MSGN1: variants seen among roughly 807,000 people sequenced by gnomAD.
MSGN1 encodes the protein mesogenin-1.
A neutral mutation model predicts 10.1 loss-of-function variants in MSGN1; 3 were observed. The observed-to-expected ratio is 0.30, with a 90% CI of 0.13 to 0.76. The LOEUF (loss-of-function observed/expected upper bound fraction) is 0.76. Ranked by LOEUF, MSGN1 falls within the 30% of genes least tolerant of loss-of-function variation. MSGN1 has a pLI of 0.67. For missense variants in MSGN1, 244 were observed against 244.5 expected (o/e 1.00, Z 0.01); for synonymous variants, 110 against 103.8 (o/e 1.06, Z -0.37).
At position 17,816,547 on chromosome 2, in the gene MSGN1, G is replaced by C; in HGVS notation, c.29G>C (p.Ser10Thr). Residue 10 changes from serine (S) to threonine (T), a missense_variant, in exon 1 of 1, where the codon AGC becomes ACC. Transcript: ENST00000281047. Reference sequence around the variant, plus strand: ...GACAACCTGCGCGAGACTTTCCTCAGCCTCGAGGATGGCTTGGGCTCCTCT... The same window carrying C: ...GACAACCTGCGCGAGACTTTCCTCACCCTCGAGGATGGCTTGGGCTCCTCT... MDNLRETFL[S>T]LEDGLGSSDS... The C allele has an allele frequency of 1.2e-6, 2 of 1,600,388 alleles. No individual in the cohort carries two copies. The highest frequency in any genetic ancestry group is 1.7e-6 in the Non-Finnish European group (2 of 1,169,928).
chr2:17,816,776 G>A lies in MSGN1; in HGVS notation c.258G>A (p.Gly86=), dbSNP rs149704294. 47 of 1,614,130 alleles carry A rather than the reference G, an allele frequency of 2.9e-5. 1 individual carries two copies. Among genetic ancestry groups the A allele is most frequent in the Admixed American group, 2.2e-4 (13 of 60,026 alleles). The change falls in exon 1 of 1, where the codon GGG becomes GGA. Residue 86 remains glycine (G), a synonymous_variant. Transcript: ENST00000281047. ...SGGSEGCSVG[G]ASGLVEVDYN... ...GCAGCGAAGGCTGCAGTGTCGGTGG[G>A]GCCAGTGGCCTGGTAGAGGTGGACT...
chr2:17,817,145 G>A lies in MSGN1; in HGVS notation c.*45G>A. Reference sequence around the variant, plus strand: ...ACCGGTTCCAGCCTCCTGAGCAGGAGTAGAGGAGTTTTGAAGACCTGGATA... The same window carrying A: ...ACCGGTTCCAGCCTCCTGAGCAGGAATAGAGGAGTTTTGAAGACCTGGATA... On this transcript the variant is annotated 3_prime_UTR_variant, in exon 1 of 1. Coordinates refer to ENST00000281047, the MANE Select transcript of MSGN1 (RefSeq NM_001105569.3). 1 of 1,527,750 alleles carries A rather than the reference G, an allele frequency of 6.5e-7. No homozygotes were observed. The highest frequency in any genetic ancestry group is 8.9e-7 in the Non-Finnish European group (1 of 1,119,730). 94.6% of individuals were successfully genotyped at this position (1,527,750 alleles called of 1,614,324 possible). A position where few individuals can be genotyped will look rare whatever the true frequency, so the allele number is the denominator to read the frequency against.
chr2:17,816,939 G>A lies in MSGN1; in HGVS notation c.421G>A (p.Ala141Thr), dbSNP rs781318940. Reference sequence around the variant, plus strand: ...GGAGAAGCTCAGGATGAGGACCTTGGCAGATGCCCTGCACACCCTCCGGAA... The same window carrying A: ...GGAGAAGCTCAGGATGAGGACCTTGACAGATGCCCTGCACACCCTCCGGAA... ...EREKLRMRTLADALHTLRNYL... is the reference protein window; with the variant it reads ...EREKLRMRTLTDALHTLRNYL... Residue 141 changes from alanine (A) to threonine (T), a missense_variant, in exon 1 of 1, where the codon GCA (alanine) becomes ACA (threonine). Ala to Thr is a moderately conservative substitution (Grantham distance 58). Transcript: ENST00000281047. 2 of 1,614,112 alleles carry A rather than the reference G, an allele frequency of 1.2e-6. No individual in the cohort carries two copies. Among genetic ancestry groups the A allele is most frequent in the Non-Finnish European group, 1.7e-6 (2 of 1,180,044 alleles).
chr2:17,816,976 C>G lies in MSGN1; in HGVS notation c.458C>G (p.Pro153Arg). The G allele has an allele frequency of 6.2e-7, 1 of 1,614,192 alleles. No individual in the cohort carries two copies. The highest frequency in any genetic ancestry group is 8.5e-7 in the Non-Finnish European group (1 of 1,180,044). ...CACACCCTCCGGAATTACCTGCCAC[C>G]TGTCTACAGCCAGAGAGGCCAGCCT... ...ALHTLRNYLP[P>R]VYSQRGQPLT... Residue 153 changes from proline to arginine, a missense_variant, in exon 1 of 1, where the codon CCT (proline) becomes CGT (arginine). Physicochemically the swap from Pro to Arg is moderately radical, Grantham distance 103. Transcript: ENST00000281047.
Position 17,817,191 on chromosome 2 carries a change from C to G in MSGN1, c.*91C>G. 4.7e-6 allele frequency: 5 copies of G among 1,066,104 alleles called. No individual in the cohort carries two copies. In the South Asian group the frequency reaches 4.7e-5, roughly 10 times the overall value. 66.0% of individuals were successfully genotyped at this position (1,066,104 alleles called of 1,614,324 possible). A position where few individuals can be genotyped will look rare whatever the true frequency, so the allele number is the denominator to read the frequency against. ...GGATATCTTATTGAACAATGATCGG[C>G]GTAGAGTGATTTTTATGTAGTAAGC... On this transcript the variant is annotated 3_prime_UTR_variant, in exon 1 of 1. Coordinates refer to ENST00000281047, the MANE Select transcript of MSGN1 (RefSeq NM_001105569.3).
In MSGN1 at chr2:17,817,071, G is replaced by C; in HGVS notation, c.553G>C (p.Gly185Arg). 2 of 1,613,648 alleles carry C rather than the reference G, an allele frequency of 1.2e-6. No homozygotes were observed. The highest frequency in any genetic ancestry group is 1.7e-6 in the Non-Finnish European group (2 of 1,179,636). Residue 185 changes from glycine to arginine, a missense_variant, in exon 1 of 1, where the codon GGC becomes CGC. Transcript: ENST00000281047. ...IGELTDLLNRGREPRAQSA is the reference protein window; with the variant it reads ...IGELTDLLNRRREPRAQSA ...GGAACTCACAGACCTCCTTAACCGCGGCAGAGAGCCCAGAGCCCAGAGCGC... is the reference window on the plus strand; with the variant it reads ...GGAACTCACAGACCTCCTTAACCGCCGCAGAGAGCCCAGAGCCCAGAGCGC...
chr2:17,816,691 C>T lies in MSGN1; in HGVS notation c.173C>T (p.Ser58Phe). ...SPAPSLESYS[S>F]SPCPAVAGLP... Reference sequence around the variant, plus strand: ...GCTCCATCGCTGGAATCCTATTCTTCTTCTCCCTGTCCAGCTGTGGCTGGG... The same window carrying T: ...GCTCCATCGCTGGAATCCTATTCTTTTTCTCCCTGTCCAGCTGTGGCTGGG... The change falls in exon 1 of 1, where the codon TCT becomes TTT. Residue 58 changes from serine to phenylalanine, a missense_variant. Coordinates refer to ENST00000281047, the MANE Select transcript of MSGN1 (RefSeq NM_001105569.3). 1 of 1,614,254 alleles carries T rather than the reference C, an allele frequency of 6.2e-7. No individual in the cohort carries two copies. Among genetic ancestry groups the T allele is most frequent in the Non-Finnish European group, 8.5e-7 (1 of 1,180,048 alleles).
Position 17,816,926 on chromosome 2 carries a change from G to A in MSGN1, c.408G>A (p.Arg136=), listed in dbSNP as rs1315533235. ...RRKASEREKL[R]MRTLADALHT... ...AAGCCAGCGAGAGGGAGAAGCTCAG[G>A]ATGAGGACCTTGGCAGATGCCCTGC... is the stretch of plus-strand genomic sequence containing the variant. Residue 136 remains arginine (R), a synonymous_variant, in exon 1 of 1, where the codon AGG becomes AGA. Transcript: ENST00000281047. The A allele has an allele frequency of 6.2e-7, 1 of 1,614,250 alleles. No individual in the cohort carries two copies. Among genetic ancestry groups the A allele is most frequent in the Non-Finnish European group, 8.5e-7 (1 of 1,180,040 alleles).
Position 17,816,622 on chromosome 2 carries a change from C to G in MSGN1, c.104C>G (p.Pro35Arg). 6.2e-7 allele frequency: 1 copy of G among 1,614,234 alleles called. No individual in the cohort carries two copies. The highest frequency in any genetic ancestry group is 8.5e-7 in the Non-Finnish European group (1 of 1,180,044). ...SSWDWKDRAG[P>R]FELNQASPSQ... ...TGGGACTGGAAGGACAGGGCAGGGC[C>G]CTTTGAGCTGAATCAGGCCTCCCCC... is the stretch of plus-strand genomic sequence containing the variant. Residue 35 changes from proline (P) to arginine (R), a missense_variant, in exon 1 of 1, where the codon CCC becomes CGC. Coordinates refer to ENST00000281047, the MANE Select transcript of MSGN1 (RefSeq NM_001105569.3).
Position 17,816,749 on chromosome 2 carries a change from G to T in MSGN1, c.231G>T (p.Gly77=). The stretch of plus-strand genomic sequence containing the variant: ...GTGAGCACGGCGGGGCCAGCAGTGG[G>T]GGCAGCGAAGGCTGCAGTGTCGGTG... ...LPCEHGGASS[G]GSEGCSVGGA... Residue 77 remains glycine, a synonymous_variant, in exon 1 of 1, where the codon GGG becomes GGT. Coordinates refer to ENST00000281047, the MANE Select transcript of MSGN1 (RefSeq NM_001105569.3). 6.2e-7 allele frequency: 1 copy of T among 1,613,892 alleles called. No homozygotes were observed. The highest frequency in any genetic ancestry group is 1.1e-5 in the South Asian group (1 of 91,032).
chr2:17,816,533 C>T lies in MSGN1; in HGVS notation c.15C>T (p.Arg5=), dbSNP rs755433295. The change falls in exon 1 of 1, where the codon CGC becomes CGT. Residue 5 remains arginine, a synonymous_variant. Transcript: ENST00000281047. MDNL[R]ETFLSLEDGL... ...GTCTCGCAGGCATGGACAACCTGCG[C>T]GAGACTTTCCTCAGCCTCGAGGATG... The T allele has an allele frequency of 1.8e-5, 28 of 1,589,090 alleles. No individual in the cohort carries two copies. The highest frequency in any genetic ancestry group is 4.0e-5 in the African/African-American group (3 of 74,148).
At position 17,817,319 on chromosome 2, in the gene MSGN1, G is replaced by GT. The variant is rs1673591269; in HGVS notation, c.*225dup. Among the ~76,000 whole-genome samples, 1 of 152,182 alleles carries GT rather than the reference G, an allele frequency of 6.6e-6. No individual in the cohort carries two copies. The highest frequency in any genetic ancestry group is 2.4e-5 in the African/African-American group (1 of 41,444). On this transcript the variant is annotated 3_prime_UTR_variant, in exon 1 of 1. Transcript: ENST00000281047. The stretch of plus-strand genomic sequence containing the variant: ...AGATGAGCAGAGACTTTCACCTCCA[G>GT]TTTTTTCCACCCATCTGGGAGGCTC...
chr2:17,817,071 G>A lies in MSGN1; in HGVS notation c.553G>A (p.Gly185Ser). 1.9e-6 allele frequency: 3 copies of A among 1,613,648 alleles called. No homozygotes were observed. Among genetic ancestry groups the A allele is most frequent in the Non-Finnish European group, 8.5e-7 (1 of 1,179,636 alleles). The change falls in exon 1 of 1, where the codon GGC becomes AGC. Residue 185 changes from glycine (G) to serine (S), a missense_variant. Coordinates refer to ENST00000281047, the MANE Select transcript of MSGN1 (RefSeq NM_001105569.3). ...GGAACTCACAGACCTCCTTAACCGC[G>A]GCAGAGAGCCCAGAGCCCAGAGCGC... ...IGELTDLLNR[G>S]REPRAQSA
Position 17,816,931 on chromosome 2 carries a change from G to A in MSGN1, c.413G>A (p.Arg138Lys). The A allele has an allele frequency of 6.2e-7, 1 of 1,614,234 alleles. No homozygotes were observed. Among genetic ancestry groups the A allele is most frequent in the Non-Finnish European group, 8.5e-7 (1 of 1,180,044 alleles). ...KASEREKLRMRTLADALHTLR... is the reference protein window; with the variant it reads ...KASEREKLRMKTLADALHTLR... ...AGCGAGAGGGAGAAGCTCAGGATGA[G>A]GACCTTGGCAGATGCCCTGCACACC... Residue 138 changes from arginine to lysine, a missense_variant, in exon 1 of 1, where the codon AGG (arginine) becomes AAG (lysine). Coordinates refer to ENST00000281047, the MANE Select transcript of MSGN1 (RefSeq NM_001105569.3).
rs753887996 is a variant in MSGN1, at chr2:17,816,898, G to A, written c.380G>A (p.Arg127Gln). ...GTCAGGATGTCTGTCCAGCGGAGGC[G>A]GAAAGCCAGCGAGAGGGAGAAGCTC... Reference protein sequence around the residue: ...TKVRMSVQRRRKASEREKLRM... With the variant: ...TKVRMSVQRRQKASEREKLRM... The change falls in exon 1 of 1, where the codon CGG becomes CAG. Residue 127 changes from arginine to glutamine, a missense_variant. Transcript: ENST00000281047. The A allele has an allele frequency of 1.2e-6, 2 of 1,614,232 alleles. No individual in the cohort carries two copies. Among genetic ancestry groups the A allele is most frequent in the Non-Finnish European group, 1.7e-6 (2 of 1,180,030 alleles).
chr2:17,816,610 A>ACAGGG lies in MSGN1; in HGVS notation c.99_103dup (p.Pro35GlnfsTer6). On this transcript the variant is annotated frameshift_variant, in exon 1 of 1. Transcript: ENST00000281047. LOFTEE classifies it high-confidence loss of function. Reference sequence around the variant, plus strand: ...CTGCTGTCTTCCTGGGACTGGAAGGACAGGGCAGGGCCCTTTGAGCTGAAT... The same window carrying ACAGGG: ...CTGCTGTCTTCCTGGGACTGGAAGGACAGGGCAGGGCAGGGCCCTTTGAGCTGAAT... The ACAGGG allele has an allele frequency of 6.2e-7, 1 of 1,614,204 alleles. No individual in the cohort carries two copies. The highest frequency in any genetic ancestry group is 8.5e-7 in the Non-Finnish European group (1 of 1,180,020).
rs760339900 is a variant in MSGN1 at position 17,817,098 on chromosome 2, T to A, written c.580T>A (p.Ter194ArgextTer16). 6.2e-7 allele frequency: 1 copy of A among 1,611,222 alleles called. No individual in the cohort carries two copies. The change falls in exon 1 of 1, where the codon TGA becomes AGA. Residue 194 changes from the stop codon to arginine (R), a stop_lost. Coordinates refer to ENST00000281047, the MANE Select transcript of MSGN1 (RefSeq NM_001105569.3). ...RGREPRAQSA[*>R] ...CAGAGAGCCCAGAGCCCAGAGCGCG[T>A]GAGCTCCATCCGGGGAAACTGACCG...
chr2:17,816,590 G>C lies in MSGN1; in HGVS notation c.72G>C (p.Leu24=). The C allele has an allele frequency of 1.2e-6, 2 of 1,614,112 alleles. No homozygotes were observed. Among genetic ancestry groups the C allele is most frequent in the Non-Finnish European group, 8.5e-7 (1 of 1,179,930 alleles). The change falls in exon 1 of 1, where the codon CTG becomes CTC. Residue 24 remains leucine, a synonymous_variant. Coordinates refer to ENST00000281047, the MANE Select transcript of MSGN1 (RefSeq NM_001105569.3). ...GCTCCTCTGACAGCCCTGGCCTGCT[G>C]TCTTCCTGGGACTGGAAGGACAGGG... ...GLGSSDSPGL[L]SSWDWKDRAG...
chr2:17,816,536 G>C lies in MSGN1; in HGVS notation c.18G>C (p.Glu6Asp), dbSNP rs753312180. Residue 6 changes from glutamate to aspartate, a missense_variant, in exon 1 of 1, where the codon GAG (glutamate) becomes GAC (aspartate). Transcript: ENST00000281047. MDNLR[E>D]TFLSLEDGLG... ...TCGCAGGCATGGACAACCTGCGCGA[G>C]ACTTTCCTCAGCCTCGAGGATGGCT... 4 of 1,591,910 alleles carry C rather than the reference G, an allele frequency of 2.5e-6. No homozygotes were observed. The highest frequency in any genetic ancestry group is 4.5e-5 in the East Asian group (2 of 44,362).
Sources: gnomAD v4.1 joint callset for allele counts (sites outside exome capture counted in the v4.1 genomes callset) on GRCh38, gnomAD v4.1.1 for gene constraint, MANE v1.5 for transcripts, NCBI Gene and HGNC (gene_info 2026-07-23, HGNC 2026-07-21) for gene names.